The following MGST1 variants were observed in gnomAD, a reference collection of about 807,000 sequenced individuals.
MGST1 encodes microsomal glutathione S-transferase 1.
MGST1 carries 5 observed loss-of-function variants against 8.9 expected under a neutral mutation model. The ratio of observed to expected loss-of-function variants is 0.56; its 90% CI spans 0.29 to 1.19. The LOEUF is 1.19. MGST1 is among the 50% of genes most tolerant of loss of function. MGST1 has a pLI of 0.08. For missense variants in MGST1, 182 were observed against 187.4 expected, an observed-to-expected ratio of 0.97 and a Z score of 0.17; for synonymous variants, 54 against 67.8, an observed-to-expected ratio of 0.80 and a Z score of 1.00.
chr12:16,540,645 T>G (rs541227796), intron 4 of MGST1, among the ~76,000 whole-genome samples: 1 of 152,194 alleles, frequency 6.6e-6, no homozygotes, highest in Non-Finnish European at 1.5e-5. Context: ...AAAATTGTAT[T>G]TGAGGCAAGG....
intron 1 of MGST1, among the ~76,000 whole-genome samples, chr12:16,416,434 G>T (rs1940788693): frequency 6.6e-6 from 1 of 152,118 alleles, no homozygotes; most frequent in Non-Finnish European, 1.5e-5. Flanking sequence ...ACCATAACCT[G>T]GAGTGGCTTA....
chr12:16,410,618 ATAT>A lies in MGST1; in HGVS notation n.779-26767_779-26765del, dbSNP rs1462446724. Among the ~76,000 whole-genome samples the A allele has an allele frequency of 1.3e-5, 2 of 148,274 alleles. No individual in the cohort carries two copies. Among genetic ancestry groups the A allele is most frequent in the African/African-American group, 2.4e-5 (1 of 40,860 alleles). On this transcript the variant is annotated intron_variant and non_coding_transcript_variant, in intron 1 of 1. Transcript: ENST00000359720. This position sits in a 1 kb window ranked among gnomAD's most constrained non-coding sequence, Gnocchi z 4.4. ...ATTAATGTTTATATATTACATATAA[ATAT>A]TAATATATGTATATGTAATACATAT...
chr12:16,545,230 A>C (rs1167867518), intron 4 of MGST1, among the ~76,000 whole-genome samples: 1 of 152,178 alleles, frequency 6.6e-6, no homozygotes, highest in East Asian at 1.9e-4. Context: ...TTGCTTTATT[A>C]GCTGCTTAAA....
chr12:16,437,160 A>G (rs1940993915), intron 1 of MGST1, among the ~76,000 whole-genome samples: 1 of 151,914 alleles, frequency 6.6e-6, no homozygotes, highest in Non-Finnish European at 1.5e-5. Context: ...TAAGATTAGA[A>G]CAGTTAAAAA....
In MGST1 at chr12:16,401,302, C is replaced by G; in HGVS notation, n.778+17698C>G. The G allele has an allele frequency of 6.7e-7, 1 of 1,487,058 alleles. No homozygotes were observed. The highest frequency in any genetic ancestry group is 9.4e-7 in the Non-Finnish European group (1 of 1,067,586). The allele number at this position is 1,487,058 out of a possible 1,614,324, so 92.1% of individuals were successfully genotyped here. ...TCCCAAACTGATGCTGAAAACCATT[C>G]CTGTCTTCAGTTTGTATTGATTTTT... On this transcript the variant is annotated intron_variant and non_coding_transcript_variant, in intron 1 of 1. Transcript: ENST00000359720. The surrounding 1 kb of genome is among the most constrained non-coding windows in gnomAD (Gnocchi z 4.3).
intron 1 of MGST1, among the ~76,000 whole-genome samples, chr12:16,417,840 A>T (rs1940800027): frequency 6.6e-6 from 1 of 152,210 alleles, no homozygotes; most frequent in African/African-American, 2.4e-5. Context: ...AAACACAACT[A>T]CTAAAACATC....
chr12:16,402,057 A>G, intron 1 of MGST1: 1 of 1,575,522 alleles, frequency 6.3e-7, no homozygotes, highest in Non-Finnish European at 8.7e-7. Flanking sequence ...AATGGCTTCA[A>G]TCATTTTGTC....
At chr12:16,439,249 C>T (rs1467524139), downstream of MGST1, among the ~76,000 whole-genome samples, 1 of 151,732 alleles carries the variant, frequency 6.6e-6, no homozygotes, top group East Asian at 1.9e-4. Context: ...TAAAAATGTA[C>T]ACTTTTAGAA....
At chr12:16,478,511 C>G (rs939780962) in intron 4 of MGST1, among the ~76,000 whole-genome samples, 5 of 152,060 alleles carry the variant, frequency 3.3e-5, no homozygotes, top group African/African-American at 1.2e-4. Flanking sequence ...CTATGTGATT[C>G]TTTCACTGTG....
chr12:16,441,286 C>T (rs1236696871), downstream of MGST1, among the ~76,000 whole-genome samples: 1 of 151,828 alleles, frequency 6.6e-6, no homozygotes, highest in East Asian at 1.9e-4. Context: ...CTATCAACAT[C>T]CTACACCAGA....
chr12:16,382,232 A>G (rs1350014166), upstream of MGST1, among the ~76,000 whole-genome samples: 2 of 151,976 alleles, frequency 1.3e-5, no homozygotes, highest in African/African-American at 2.4e-5. Flanking sequence ...TAGAGTTTCT[A>G]GTTTTTCTGC....
At chr12:16,518,697 A>G (rs906999928) in intron 4 of MGST1, among the ~76,000 whole-genome samples, 8 of 152,270 alleles carry the variant, frequency 5.3e-5, no homozygotes, top group South Asian at 2.1e-4. Flanking sequence ...AGCTTCCCAT[A>G]CTAGAGAACA....
intron 4 of MGST1, chr12:16,550,451 A>C (rs527817041): frequency 6.6e-6 from 1 of 152,604 alleles, no homozygotes; most frequent in Non-Finnish European, 1.5e-5. Context: ...AGAGCACACA[A>C]AAAAAGGATA....
At chr12:16,435,583 T>C (rs1407865691) in intron 1 of MGST1, among the ~76,000 whole-genome samples, 1 of 151,998 alleles carries the variant, frequency 6.6e-6, no homozygotes, top group East Asian at 1.9e-4. Flanking sequence ...AAGAAAATTT[T>C]CATCCATTCA....
intron 4 of MGST1, among the ~76,000 whole-genome samples, chr12:16,577,913 T>C (rs1943043868): frequency 6.6e-6 from 1 of 152,216 alleles, no homozygotes; most frequent in Admixed American, 6.5e-5. Flanking sequence ...TATGTGACAT[T>C]TTTAGACTAA....
In MGST1 at chr12:16,559,304, T is replaced by C. The variant is rs1942303699; in HGVS notation, n.483-30224T>C. Among the ~76,000 whole-genome samples, 1 of 152,196 alleles carries C rather than the reference T, an allele frequency of 6.6e-6. No homozygotes were observed. On this transcript the variant is annotated intron_variant and non_coding_transcript_variant, in intron 4 of 4. Transcript: ENST00000538857. The surrounding 1 kb of genome is among the most constrained non-coding windows in gnomAD (Gnocchi z 4.1). ...ATATAAAACAGGTGCCAGTAGTATA[T>C]AGTTTTCACAGAAATAAAAAATATA... is the stretch of plus-strand genomic sequence containing the variant.
At chr12:16,476,116 T>TA (rs916300729) in intron 4 of MGST1, among the ~76,000 whole-genome samples, 2 of 151,694 alleles carry the variant, frequency 1.3e-5, no homozygotes, top group African/African-American at 2.4e-5. Flanking sequence ...TGAAGGACAA[T>TA]AAAAAAAGTG....
chr12:16,479,525 C>T (rs1161410007), intron 4 of MGST1, among the ~76,000 whole-genome samples: 6 of 129,828 alleles, frequency 4.6e-5, no homozygotes, highest in South Asian at 2.4e-4. Context: ...TGAGCCACTG[C>T]GCCCGGCCTC....
intron 2 of MGST1, among the ~76,000 whole-genome samples, chr12:16,355,355 C>T (rs1336091443): frequency 3.3e-5 from 5 of 151,956 alleles, no homozygotes; most frequent in Admixed American, 1.3e-4. Context: ...ATTATAGGCA[C>T]GCACCACCAG....
Sources: allele counts gnomAD v4.1 joint callset (sites outside exome capture counted in the v4.1 genomes callset), GRCh38; gene constraint gnomAD v4.1.1; non-coding constraint Gnocchi (gnomAD v3.1); transcripts MANE v1.5; gene names NCBI Gene and HGNC (gene_info 2026-07-23, HGNC 2026-07-21).